FRMD6: variants seen among roughly 807,000 people sequenced by gnomAD.
FRMD6 encodes FERM domain-containing protein 6.
In FRMD6, 37 loss-of-function variants were observed where a neutral mutation model predicts 73.2. That is an observed-to-expected ratio of 0.51 (90% CI 0.39 to 0.66). The LOEUF is 0.66. FRMD6 is among the 30% of genes least tolerant of loss of function. The probability of loss-of-function intolerance (pLI) is 0.00; values close to 1 mark genes in which losing one functional copy is unlikely to be tolerated. For missense variants in FRMD6, 714 were observed against 780.5 expected, an observed-to-expected ratio of 0.91 and a Z score of 1.02; for synonymous variants, 273 against 282.2, an observed-to-expected ratio of 0.97 and a Z score of 0.33.
chr14:51,446,445 G>GACACAC, the FRMD6 span, among the ~76,000 whole-genome samples: 194 of 139,226 alleles, frequency 1.4e-3, 1 homozygote, highest in African/African-American at 4.8e-3. Flanking sequence ...CTCTTGTGTA[G>GACACAC]ACACACACAC....
chr14:51,670,791 G>T (rs577865893), intron 1 of FRMD6, among the ~76,000 whole-genome samples: 1 of 151,780 alleles, frequency 6.6e-6, no homozygotes, highest in African/African-American at 2.4e-5. Context: ...GATTGCAGGC[G>T]CACACCACCA....
At chr14:51,715,615 G>T in intron 10 of FRMD6, 116 bp downstream of exon 10, 2 of 762,796 alleles carry the variant, frequency 2.6e-6, no homozygotes, top group African/African-American at 1.8e-5. Context: ...GGACACTCCA[G>T]ATTGAGAGCA....
intron 2 of FRMD6, among the ~76,000 whole-genome samples, chr14:51,600,155 T>C (rs1233076178): frequency 3.3e-5 from 5 of 152,072 alleles, no homozygotes; most frequent in African/African-American, 1.2e-4. Flanking sequence ...AACAAGAAGA[T>C]AGTTTGACTT....
chr14:51,586,486 T>C (rs369223087), intron 2 of FRMD6, among the ~76,000 whole-genome samples: 216 of 152,334 alleles, frequency 1.4e-3, no homozygotes, highest in African/African-American at 5.0e-3. Flanking sequence ...TAGCCCTTTG[T>C]TGGATCCATA....
chr14:51,420,160 C>T, the FRMD6 span, among the ~76,000 whole-genome samples: 1 of 152,202 alleles, frequency 6.6e-6, no homozygotes, highest in African/African-American at 2.4e-5. Flanking sequence ...GTAACAGATC[C>T]TTTATCTCTC....
At position 51,503,977 on chromosome 14, in the gene FRMD6, G is replaced by A. The variant is rs563538678; in HGVS notation, c.-210+14557G>A. Among the ~76,000 whole-genome samples, 402 of 152,166 alleles carry A rather than the reference G, an allele frequency of 2.6e-3. 1 individual carries two copies. Among genetic ancestry groups the A allele is most frequent in the Non-Finnish European group, 4.3e-3 (292 of 68,002 alleles). On this transcript the variant is annotated intron_variant, in intron 1 of 14. Coordinates refer to the FRMD6 transcript ENST00000356218. The stretch of plus-strand genomic sequence containing the variant: ...AATCTTGGGAGGGTGTATGTGTCCA[G>A]GAATGTATCCACTTCTTCTAGATTT...
intron 2 of FRMD6, among the ~76,000 whole-genome samples, chr14:51,642,844 T>G (rs551943071): frequency 1.3e-4 from 20 of 152,214 alleles, no homozygotes; most frequent in Non-Finnish European, 2.8e-4. Flanking sequence ...ACTTAATAAG[T>G]ATCTGCTAAA....
upstream of FRMD6, chr14:51,649,774 TTTCA>T (rs917914413): frequency 2.6e-5 from 4 of 152,202 alleles, no homozygotes; most frequent in Non-Finnish European, 4.4e-5. Flanking sequence ...TTTTTTTCTT[TTTCA>T]GACAGGGTCT....
chr14:51,694,968 A>G lies in FRMD6; in HGVS notation c.100-3174A>G, dbSNP rs113002787. Among the ~76,000 whole-genome samples the G allele has an allele frequency of 7.3e-3, 1,085 of 148,738 alleles. 39 individuals carry two copies. Among genetic ancestry groups the G allele is most frequent in the African/African-American group, 0.027 (1,036 of 38,204 alleles). On this transcript the variant is annotated intron_variant, in intron 2 of 13. Coordinates refer to ENST00000344768, the MANE Select transcript of FRMD6 (RefSeq NM_001267046.2). Reference sequence around the variant, plus strand: ...GAGCACTGCTTACTTGATATTTGTTAAAGAGCTTTACCAGTAGGCTTCAAA... The same window carrying G: ...GAGCACTGCTTACTTGATATTTGTTGAAGAGCTTTACCAGTAGGCTTCAAA...
intron 1 of FRMD6, among the ~76,000 whole-genome samples, chr14:51,677,687 C>G (rs1464292997): frequency 1.3e-5 from 2 of 152,096 alleles, no homozygotes; most frequent in African/African-American, 4.8e-5. Flanking sequence ...TCTTATCCCC[C>G]AGCTTCCCAT....
intron 2 of FRMD6, among the ~76,000 whole-genome samples, chr14:51,612,898 G>A (rs1355407137): frequency 6.6e-6 from 1 of 152,178 alleles, no homozygotes; most frequent in African/African-American, 2.4e-5. Context: ...TAGATAAAAA[G>A]TGCTATAAGA....
chr14:51,493,535 T>G (rs1883132262), intron 1 of FRMD6, among the ~76,000 whole-genome samples: 1 of 152,190 alleles, frequency 6.6e-6, no homozygotes, highest in African/African-American at 2.4e-5. Context: ...GATTTTGCTC[T>G]TCCTTTGCCT....
At chr14:51,407,786 T>A in the FRMD6 span, among the ~76,000 whole-genome samples, 1 of 152,134 alleles carries the variant, frequency 6.6e-6, no homozygotes, top group Admixed American at 6.5e-5. Context: ...ATTATGATTG[T>A]ATTATTGATT....
At chr14:51,458,007 G>T in the FRMD6 span, among the ~76,000 whole-genome samples, 6 of 152,176 alleles carry the variant, frequency 3.9e-5, no homozygotes, top group African/African-American at 1.4e-4. Context: ...TGACATGATT[G>T]TTTGTTTATT....
intron 1 of FRMD6, among the ~76,000 whole-genome samples, chr14:51,557,101 C>G (rs1489017395): frequency 6.6e-6 from 1 of 151,590 alleles, no homozygotes; most frequent in East Asian, 1.9e-4. Flanking sequence ...GCCTGGGCAA[C>G]ATAGTGAGAC....
At chr14:51,431,423 C>T in the FRMD6 span, among the ~76,000 whole-genome samples, 1 of 152,134 alleles carries the variant, frequency 6.6e-6, no homozygotes, top group African/African-American at 2.4e-5. Flanking sequence ...GAAAAGTCAC[C>T]CACAGTACTA....
At chr14:51,397,698 T>C in the FRMD6 span, among the ~76,000 whole-genome samples, 4 of 152,220 alleles carry the variant, frequency 2.6e-5, no homozygotes, top group Admixed American at 1.3e-4. Context: ...CTGAATGTTT[T>C]GAGCACTGAC....
intron 1 of FRMD6, among the ~76,000 whole-genome samples, chr14:51,671,433 A>G (rs1190791153): frequency 6.6e-6 from 1 of 152,202 alleles, no homozygotes; most frequent in African/African-American, 2.4e-5. Flanking sequence ...AGGGGTCTTC[A>G]GAAAGTTCAC....
chr14:51,677,544 G>C (rs1487667697), intron 1 of FRMD6, among the ~76,000 whole-genome samples: 2 of 152,088 alleles, frequency 1.3e-5, no homozygotes, highest in Non-Finnish European at 2.9e-5. Flanking sequence ...TGGTTGAAAG[G>C]AATTTTTGTG....
Sources: gnomAD v4.1 joint callset for allele counts (sites outside exome capture counted in the v4.1 genomes callset) on GRCh38, gnomAD v4.1.1 for gene constraint, MANE v1.5 for transcripts, NCBI Gene and HGNC (gene_info 2026-07-23, HGNC 2026-07-21) for gene names.